The following DIAPH3 variants were observed in gnomAD, a reference collection of about 807,000 sequenced individuals.
DIAPH3 encodes the protein diaphanous related formin 3.
A neutral mutation model predicts 144.3 loss-of-function variants in DIAPH3; 117 were observed. The ratio of observed to expected loss-of-function variants is 0.81; its 90% CI spans 0.70 to 0.95. The LOEUF (loss-of-function observed/expected upper bound fraction) is 0.95. DIAPH3 is among the 40% of genes least tolerant of loss of function. DIAPH3 has a pLI of 0.00. For missense variants in DIAPH3, 1,421 were observed against 1,412.7 expected, an observed-to-expected ratio of 1.01 and a Z score of -0.09; for synonymous variants, 519 against 488.9, an observed-to-expected ratio of 1.06 and a Z score of -0.81.
chr13:59,965,111 T>A (rs1462515165), intron 17 of DIAPH3, among the ~76,000 whole-genome samples: 2 of 152,194 alleles, frequency 1.3e-5, no homozygotes, highest in Non-Finnish European at 2.9e-5. Context: ...GCTGGGATAA[T>A]CCACGTTTAT....
intron 1 of DIAPH3, among the ~76,000 whole-genome samples, chr13:60,142,405 CA>C (rs1322025742): frequency 6.6e-6 from 1 of 152,062 alleles, no homozygotes; most frequent in African/African-American, 2.4e-5. Context: ...TTAATTCTAT[CA>C]ATTATTTTTT....
In DIAPH3 at chr13:59,981,152, C is replaced by A. The variant is rs985733620; in HGVS notation, c.1481-293G>T. 2.0e-5 allele frequency among the ~76,000 whole-genome samples: 3 copies of A among 150,788 alleles called. No individual in the cohort carries two copies. In the Admixed American group the frequency reaches 2.0e-4, roughly 10 times the overall value. On this transcript the variant is annotated intron_variant, in intron 13 of 27. Coordinates refer to ENST00000400324, the MANE Select transcript of DIAPH3 (RefSeq NM_001042517.2). The stretch of plus-strand genomic sequence containing the variant: ...CAAATGTTTCTATCACCAACTCGTA[C>A]ATATTTTAAAGAAAAAAGATGATGT...
At chr13:59,689,953 T>C (rs1342662036) in intron 27 of DIAPH3, among the ~76,000 whole-genome samples, 1 of 152,010 alleles carries the variant, frequency 6.6e-6, no homozygotes. Flanking sequence ...AACACAGACA[T>C]CCAGATTAAA....
intron 4 of DIAPH3, among the ~76,000 whole-genome samples, chr13:60,078,162 C>T (rs549884592): frequency 4.3e-4 from 65 of 152,166 alleles, no homozygotes; most frequent in South Asian, 1.9e-3. Context: ...GCCTAAATGA[C>T]ACATTACCTC....
rs189977266 is a variant in DIAPH3 at position 60,005,788 on chromosome 13, G to A, written c.1014+2756C>T. Among the ~76,000 whole-genome samples the A allele has an allele frequency of 4.5e-3, 681 of 152,058 alleles. 2 individuals are homozygous for A. The highest frequency in any genetic ancestry group is 7.2e-3 in the Non-Finnish European group (491 of 67,944). On this transcript the variant is annotated intron_variant, in intron 9 of 27. Coordinates refer to ENST00000400324, the MANE Select transcript of DIAPH3 (RefSeq NM_001042517.2). ...GAGCCACCACAACCTGACCTGAAAC[G>A]CACATTTTAAATGGGTAAATTTTAT...
chr13:59,729,961 T>C lies in DIAPH3; in HGVS notation c.3319+44228A>G, dbSNP rs2035817859. Reference sequence around the variant, plus strand: ...TGAAATTTATACAAAATACTCTGAATAAAAATAAAATTCAGATGGATCACA... The same window carrying C: ...TGAAATTTATACAAAATACTCTGAACAAAAATAAAATTCAGATGGATCACA... On this transcript the variant is annotated intron_variant, in intron 27 of 27. Coordinates refer to ENST00000400324, the MANE Select transcript of DIAPH3 (RefSeq NM_001042517.2). 2.0e-5 allele frequency among the ~76,000 whole-genome samples: 3 copies of C among 151,794 alleles called. 1 individual carries two copies. The South Asian group carries it at 6.2e-4, about 32-fold the overall frequency.
intron 7 of DIAPH3, among the ~76,000 whole-genome samples, chr13:60,014,555 GA>G (rs1183795065): frequency 6.6e-6 from 1 of 151,714 alleles, no homozygotes; most frequent in Admixed American, 6.6e-5. Context: ...AAAATAATTA[GA>G]AAATATAAAT....
intron 25 of DIAPH3, among the ~76,000 whole-genome samples, chr13:59,780,984 G>A (rs2038706137): frequency 6.6e-6 from 1 of 152,172 alleles, no homozygotes. Context: ...GTATATGCCT[G>A]AATCAGAAGA....
At chr13:59,795,964 T>C (rs1471772933) in intron 25 of DIAPH3, among the ~76,000 whole-genome samples, 1 of 152,228 alleles carries the variant, frequency 6.6e-6, no homozygotes, top group Non-Finnish European at 1.5e-5. Flanking sequence ...AGAGGAGAAG[T>C]TGAAATTAGA....
At chr13:60,036,259 TGTA>T (rs1408624988) in intron 5 of DIAPH3, among the ~76,000 whole-genome samples, 3 of 152,214 alleles carry the variant, frequency 2.0e-5, no homozygotes, top group Admixed American at 6.5e-5. Context: ...GTAATAATAA[TGTA>T]GTTAATATAT....
chr13:59,760,673 C>T (rs2037532463), intron 27 of DIAPH3, among the ~76,000 whole-genome samples: 2 of 152,036 alleles, frequency 1.3e-5, no homozygotes, highest in Admixed American at 6.5e-5. Context: ...TATAATAGGC[C>T]TAATTATCTT....
At position 60,095,985 on chromosome 13, in the gene DIAPH3, A is replaced by C. The variant is rs537487248; in HGVS notation, c.391-2253T>G. 5.3e-5 allele frequency among the ~76,000 whole-genome samples: 8 copies of C among 152,336 alleles called. No homozygotes were observed. In the South Asian group the frequency reaches 1.7e-3, roughly 32 times the overall value. ...TCACAGAGGTATGAAGCAGAGATTCAAGAGTATGAATTTACTATACCTTCT... is the reference window on the plus strand; with the variant it reads ...TCACAGAGGTATGAAGCAGAGATTCCAGAGTATGAATTTACTATACCTTCT... On this transcript the variant is annotated intron_variant, in intron 3 of 27. Coordinates refer to ENST00000400324, the MANE Select transcript of DIAPH3 (RefSeq NM_001042517.2).
chr13:59,969,344 T>C (rs1457436678), intron 17 of DIAPH3, among the ~76,000 whole-genome samples: 1 of 152,228 alleles, frequency 6.6e-6, no homozygotes. Context: ...TTTTATCCCA[T>C]GTGACTCATA....
chr13:59,786,611 G>C (rs550439763), intron 25 of DIAPH3, among the ~76,000 whole-genome samples: 40 of 152,256 alleles, frequency 2.6e-4, no homozygotes, highest in African/African-American at 8.9e-4. Flanking sequence ...CAAGATGTAA[G>C]AGTAACCATA....
intron 2 of DIAPH3, among the ~76,000 whole-genome samples, chr13:60,122,176 A>T (rs954454353): frequency 6.6e-6 from 1 of 152,116 alleles, no homozygotes; most frequent in Admixed American, 6.5e-5. Context: ...TCACCACTCC[A>T]CCACCTTACA....
chr13:59,770,402 G>A (rs898068440), intron 27 of DIAPH3, among the ~76,000 whole-genome samples: 1 of 152,120 alleles, frequency 6.6e-6, no homozygotes, highest in Non-Finnish European at 1.5e-5. Flanking sequence ...AGACAGATAT[G>A]CTCCTTTATG....
chr13:59,776,008 T>C (rs911530834), intron 25 of DIAPH3, among the ~76,000 whole-genome samples: 1 of 152,220 alleles, frequency 6.6e-6, no homozygotes, highest in African/African-American at 2.4e-5. Flanking sequence ...TAAGGACTTT[T>C]TGCCCGTCCA....
intron 16 of DIAPH3, among the ~76,000 whole-genome samples, chr13:59,970,271 G>A (rs2050287360): frequency 1.3e-5 from 2 of 152,166 alleles, no homozygotes; most frequent in African/African-American, 4.8e-5. Context: ...TCCAATAGTT[G>A]AGGATTTGAA....
At chr13:59,745,629 G>A (rs561490315) in intron 27 of DIAPH3, among the ~76,000 whole-genome samples, 2 of 152,234 alleles carry the variant, frequency 1.3e-5, no homozygotes, top group Admixed American at 1.3e-4. Context: ...CATTCATAAT[G>A]CTCTGGTTAA....
Sources: allele counts gnomAD v4.1 joint callset (sites outside exome capture counted in the v4.1 genomes callset), GRCh38; gene constraint gnomAD v4.1.1; transcripts MANE v1.5; gene names NCBI Gene and HGNC (gene_info 2026-07-23, HGNC 2026-07-21).